Variants in NLN observed in about 807,000 individuals in gnomAD.
NLN encodes neurolysin.
In NLN, 64 loss-of-function variants were observed where a neutral mutation model predicts 79.9. The ratio of observed to expected loss-of-function variants is 0.80; its 90% confidence interval spans 0.65 to 0.99. The LOEUF (loss-of-function observed/expected upper bound fraction) is 0.99, where lower values mean the gene tolerates loss of function less well. Ranked by LOEUF, NLN falls within the 50% of genes least tolerant of loss-of-function variation. The pLI is 0.00. For missense variants in NLN, 835 were observed against 858.7 expected (o/e 0.97, Z 0.34); for synonymous variants, 267 against 296.6 (o/e 0.90, Z 1.02).
At chr5:65,772,291 A>G (rs2150752665) in intron 3 of NLN, among the ~76,000 whole-genome samples, 1 of 152,314 alleles carries the variant, frequency 6.6e-6, no homozygotes, top group East Asian at 1.9e-4. Flanking sequence ...CTTCAAGAAT[A>G]TTCCTTTTTG....
intron 7 of NLN, among the ~76,000 whole-genome samples, chr5:65,787,669 A>G (rs1759961021): frequency 6.6e-6 from 1 of 152,214 alleles, no homozygotes; most frequent in African/African-American, 2.4e-5. Context: ...AGTGATAGGA[A>G]TTTCTAGATA....
chr5:65,814,052 C>G (rs1760615620), intron 12 of NLN, among the ~76,000 whole-genome samples: 1 of 152,130 alleles, frequency 6.6e-6, no homozygotes, highest in Non-Finnish European at 1.5e-5. Flanking sequence ...GTAAGAGTTC[C>G]TGGTTTGCTG....
chr5:65,769,076 A>G (rs1167396026), intron 3 of NLN, among the ~76,000 whole-genome samples: 1 of 152,214 alleles, frequency 6.6e-6, no homozygotes, highest in East Asian at 1.9e-4. Context: ...GTGCTCCAAC[A>G]TGAGTGTTCC....
intron 1 of NLN, chr5:65,741,099 T>C (rs561531619): frequency 6.6e-6 from 1 of 152,502 alleles, no homozygotes; most frequent in South Asian, 2.1e-4. Flanking sequence ...CTCAAACTCC[T>C]GACCTCAAGT....
Position 65,809,706 on chromosome 5 carries a change from G to T in NLN, c.1714+5G>T. On this transcript the variant is annotated splice_donor_5th_base_variant and intron_variant, in intron 10 of 12. Coordinates refer to ENST00000380985, the MANE Select transcript of NLN (RefSeq NM_020726.5). Reference sequence around the variant, plus strand: ...CTTCTAGGCTGGTCAACACAGGTATGACTTCTAATTTTAAAAAGGAAAATA... The same window carrying T: ...CTTCTAGGCTGGTCAACACAGGTATTACTTCTAATTTTAAAAAGGAAAATA... The T allele has an allele frequency of 6.4e-7, 1 of 1,562,414 alleles. No individual in the cohort carries two copies. The highest frequency in any genetic ancestry group is 1.2e-5 in the South Asian group (1 of 83,830).
chr5:65,788,442 C>T lies in NLN; in HGVS notation c.1283C>T (p.Thr428Ile), dbSNP rs761825357. The T allele has an allele frequency of 1.4e-5, 22 of 1,613,442 alleles. No individual in the cohort carries two copies. Among genetic ancestry groups the T allele is most frequent in the Non-Finnish European group, 1.7e-5 (20 of 1,179,478 alleles). ...VTLYTVKDKATGEVLGQFYLD... is the reference protein window; with the variant it reads ...VTLYTVKDKAIGEVLGQFYLD... Reference sequence around the variant, plus strand: ...CTTTATACTGTGAAGGATAAAGCTACAGGAGAAGTATTGGGACAGTTCTAT... The same window carrying T: ...CTTTATACTGTGAAGGATAAAGCTATAGGAGAAGTATTGGGACAGTTCTAT... Residue 428 changes from threonine to isoleucine, a missense_variant, in exon 8 of 13, where the codon ACA (threonine) becomes ATA (isoleucine). Transcript: ENST00000380985.
chr5:65,747,524 T>C (rs1759010046), intron 1 of NLN, among the ~76,000 whole-genome samples: 1 of 152,164 alleles, frequency 6.6e-6, no homozygotes, highest in Non-Finnish European at 1.5e-5. Context: ...ACCTGATAGA[T>C]GAAGTTCACT....
At chr5:65,787,085 A>G (rs1206600361) in intron 7 of NLN, among the ~76,000 whole-genome samples, 2 of 152,114 alleles carry the variant, frequency 1.3e-5, no homozygotes, top group African/African-American at 2.4e-5. Context: ...AACTTAATTC[A>G]TTTAAAGGAG....
intron 8 of NLN, among the ~76,000 whole-genome samples, chr5:65,788,961 G>A (rs993063186): frequency 9.6e-5 from 14 of 146,388 alleles, no homozygotes; most frequent in African/African-American, 3.5e-4. Context: ...GACAGAGTGA[G>A]ACCCTGTCTC....
At position 65,825,581 on chromosome 5, in the gene NLN, T is replaced by C. The variant is rs1292851274; in HGVS notation, c.*2666T>C. 6.6e-6 allele frequency: 1 copy of C among 152,206 alleles called. No individual in the cohort carries two copies. Among genetic ancestry groups the C allele is most frequent in the Non-Finnish European group, 1.5e-5 (1 of 68,036 alleles). The allele number at this position is 152,206 out of a possible 1,614,324, so 9.4% of individuals were successfully genotyped here. ...TCTAGTATAAATGTTGCATGTTACC[T>C]AGATAAACAACTAAAAATTGCCTTG... On this transcript the variant is annotated 3_prime_UTR_variant, in exon 13 of 13. Transcript: ENST00000380985.
intron 3 of NLN, among the ~76,000 whole-genome samples, chr5:65,767,274 A>G (rs944194373): frequency 1.3e-4 from 20 of 152,122 alleles, no homozygotes; most frequent in African/African-American, 4.8e-4. Context: ...ATCCTCTGAA[A>G]TCTAGGAGGT....
At chr5:65,789,174 T>C (rs1434795285) in intron 8 of NLN, among the ~76,000 whole-genome samples, 3 of 152,276 alleles carry the variant, frequency 2.0e-5, no homozygotes, top group South Asian at 2.1e-4. Flanking sequence ...CTTCCATATT[T>C]CTCACATGGG....
intron 1 of NLN, among the ~76,000 whole-genome samples, chr5:65,725,533 A>G (rs1357349777): frequency 2.0e-5 from 3 of 152,230 alleles, no homozygotes; most frequent in Admixed American, 6.5e-5. Flanking sequence ...TAATGTTGAC[A>G]TATTTCATTA....
Position 65,810,148 on chromosome 5 carries a change from G to C in NLN, c.1826G>C (p.Gly609Ala). 3.7e-6 allele frequency: 6 copies of C among 1,613,892 alleles called. No individual in the cohort carries two copies. The highest frequency in any genetic ancestry group is 5.1e-6 in the Non-Finnish European group (6 of 1,179,812). The change falls in exon 11 of 13, where the codon GGA (glycine) becomes GCA (alanine). Residue 609 changes from glycine (G) to alanine (A), a missense_variant. By Grantham distance (60) the Gly-to-Ala change is moderately conservative (BLOSUM62 0). Coordinates refer to ENST00000380985, the MANE Select transcript of NLN (RefSeq NM_020726.5). The stretch of plus-strand genomic sequence containing the variant: ...GCCAAATACTGCTCAGAAATATTAG[G>C]AGTTGCAGCTACTCCAGGTATGTAA... Reference protein sequence around the residue: ...EYAKYCSEILGVAATPGTNMP... With the variant: ...EYAKYCSEILAVAATPGTNMP...
chr5:65,722,476 G>A, intron 1 of NLN, 62 bp downstream of exon 1: 1 of 1,445,162 alleles, frequency 6.9e-7, no homozygotes, highest in Non-Finnish European at 9.4e-7. Flanking sequence ...GCCGTGTGGT[G>A]CCTGGAGCCC....
At chr5:65,799,365 T>C (rs1278327563) in intron 9 of NLN, among the ~76,000 whole-genome samples, 1 of 152,004 alleles carries the variant, frequency 6.6e-6, no homozygotes, top group Non-Finnish European at 1.5e-5. Context: ...ATAATAAAAG[T>C]AGAATTTTAA....
chr5:65,802,486 G>C (rs886464725), intron 9 of NLN, among the ~76,000 whole-genome samples: 4 of 152,226 alleles, frequency 2.6e-5, no homozygotes, highest in Admixed American at 6.5e-5. Context: ...AGCTCAGGGA[G>C]CTCCTAGGTC....
intron 8 of NLN, among the ~76,000 whole-genome samples, 159 bp downstream of exon 8, chr5:65,788,643 C>G (rs979938619): frequency 1.3e-5 from 2 of 152,038 alleles, no homozygotes; most frequent in Non-Finnish European, 2.9e-5. Flanking sequence ...CGAGACCAGC[C>G]TGGGCAACAT....
chr5:65,743,996 A>C (rs1758921303), intron 1 of NLN, among the ~76,000 whole-genome samples: 1 of 152,176 alleles, frequency 6.6e-6, no homozygotes, highest in South Asian at 2.1e-4. Context: ...AGTCACACAC[A>C]CTGTCCTCTT....
Sources: allele counts gnomAD v4.1 joint callset (sites outside exome capture counted in the v4.1 genomes callset), GRCh38; gene constraint gnomAD v4.1.1; transcripts MANE v1.5; gene names NCBI Gene and HGNC (gene_info 2026-07-23, HGNC 2026-07-21).